MYO3A: variants seen among roughly 807,000 people sequenced by gnomAD.
The protein encoded by MYO3A is myosin-IIIa.
In MYO3A, 180 loss-of-function variants were observed where a neutral mutation model predicts 192.7. That is an observed-to-expected ratio of 0.93 (90% confidence interval 0.83 to 1.06). MYO3A has a LOEUF of 1.06. Ranked by LOEUF, MYO3A falls within the 50% of genes least tolerant of loss-of-function variation. The pLI, the probability that MYO3A is intolerant of heterozygous loss-of-function variation, is 0.00. For missense variants in MYO3A, 1,896 were observed against 1,905.0 expected, an observed-to-expected ratio of 1.00 and a Z score of 0.09; for synonymous variants, 628 against 645.3, an observed-to-expected ratio of 0.97 and a Z score of 0.41.
intron 32 of MYO3A, among the ~76,000 whole-genome samples, chr10:26,195,681 A>T (rs991280630): frequency 1.3e-5 from 2 of 152,148 alleles, no homozygotes; most frequent in Admixed American, 1.3e-4. Context: ...TTGTCCTTGG[A>T]CATGCCCTTT....
At chr10:26,075,631 C>A (rs1338492287) in intron 14 of MYO3A, among the ~76,000 whole-genome samples, 1 of 144,732 alleles carries the variant, frequency 6.9e-6, no homozygotes, top group Non-Finnish European at 1.5e-5. Context: ...ATATATATGT[C>A]TCTCATATAT....
At chr10:26,081,133 T>TGCCCCCCCC in intron 14 of MYO3A, among the ~76,000 whole-genome samples, 2 of 84,980 alleles carry the variant, frequency 2.4e-5, no homozygotes, top group African/African-American at 4.2e-5. Context: ...TATATGCCCT[T>TGCCCCCCCC]CCCCCCCCCC....
rs752990319 is a variant in MYO3A at position 25,997,140 on chromosome 10, T to C, written c.409-19T>C. 1.3e-5 allele frequency: 20 copies of C among 1,573,732 alleles called. No individual in the cohort carries two copies. Among genetic ancestry groups the C allele is most frequent in the Middle Eastern group, 1.7e-4 (1 of 5,950 alleles). On this transcript the variant is annotated intron_variant, in intron 5 of 34. Transcript: ENST00000642920. ...TTGATGCTTTTGTTAAGAGTCATTA[T>C]ATATTTCTTATCTTCTAGGGACTTC...
At chr10:25,939,620 CA>C (rs1836343706) in intron 2 of MYO3A, among the ~76,000 whole-genome samples, 1 of 151,382 alleles carries the variant, frequency 6.6e-6, no homozygotes, top group Non-Finnish European at 1.5e-5. Flanking sequence ...TTTTTTTTAA[CA>C]ATGTAGCTTG....
chr10:26,204,409 A>G (rs1843812326), intron 34 of MYO3A: 1 of 152,260 alleles, frequency 6.6e-6, no homozygotes, highest in Non-Finnish European at 1.5e-5. Flanking sequence ...ATCTGCTATG[A>G]AAGCGTTCTA....
chr10:26,053,105 A>G (rs1844102157), intron 10 of MYO3A, among the ~76,000 whole-genome samples: 1 of 152,154 alleles, frequency 6.6e-6, no homozygotes, highest in African/African-American at 2.4e-5. Context: ...AGAGTGGGAA[A>G]GTAACAAGAA....
chr10:26,133,992 C>G (rs1839706031), intron 20 of MYO3A, among the ~76,000 whole-genome samples: 1 of 152,152 alleles, frequency 6.6e-6, no homozygotes, highest in East Asian at 1.9e-4. Flanking sequence ...ATCCAAATGC[C>G]TCCTTATTCT....
chr10:26,085,476 A>AT (rs1376986376), intron 14 of MYO3A, among the ~76,000 whole-genome samples: 2 of 152,100 alleles, frequency 1.3e-5, no homozygotes, highest in South Asian at 2.1e-4. Context: ...GTCTCAAGGT[A>AT]TTTTTTTACT....
chr10:26,069,936 A>G (rs550160649), intron 12 of MYO3A, among the ~76,000 whole-genome samples, 175 bp from the exon 13 acceptor site: 18 of 152,056 alleles, frequency 1.2e-4, no homozygotes, highest in Non-Finnish European at 2.1e-4. Flanking sequence ...TTACATAGTT[A>G]TACATTTAGA....
intron 7 of MYO3A, 30 bp downstream of exon 7, chr10:26,016,926 T>G (rs1842017664): frequency 1.3e-6 from 2 of 1,588,956 alleles, no homozygotes; most frequent in African/African-American, 2.7e-5. Context: ...CAGACAAACG[T>G]AATAGCTGAT....
intron 4 of MYO3A, among the ~76,000 whole-genome samples, chr10:25,962,413 T>C (rs914551834): frequency 6.6e-6 from 1 of 152,148 alleles, no homozygotes; most frequent in African/African-American, 2.4e-5. Flanking sequence ...ATTCCAGTTA[T>C]ACACTTGAAT....
intron 26 of MYO3A, among the ~76,000 whole-genome samples, chr10:26,160,121 A>G (rs1057458120): frequency 1.3e-5 from 2 of 152,188 alleles, no homozygotes; most frequent in Non-Finnish European, 2.9e-5. Flanking sequence ...TATAGATATT[A>G]TGAGTGTAAT....
chr10:26,061,014 C>T (rs759643952), intron 10 of MYO3A, among the ~76,000 whole-genome samples: 1 of 151,914 alleles, frequency 6.6e-6, no homozygotes, highest in Admixed American at 6.6e-5. Context: ...CTGCAAGCTC[C>T]GCCTCCTGGG....
chr10:26,070,309 T>C lies in MYO3A; in HGVS notation c.1276-9T>C. The C allele has an allele frequency of 6.2e-7, 1 of 1,612,798 alleles. No homozygotes were observed. Among genetic ancestry groups the C allele is most frequent in the Non-Finnish European group, 8.5e-7 (1 of 1,179,036 alleles). On this transcript the variant is annotated splice_polypyrimidine_tract_variant and intron_variant, in intron 13 of 34. Transcript: ENST00000642920. ...AAGGTCTTCTCACAGTTTTCTTTTC[T>C]ATGTATAGTGCATTGTTATTTCTGG...
chr10:26,056,968 A>G (rs1337276677), intron 10 of MYO3A, among the ~76,000 whole-genome samples: 9 of 152,316 alleles, frequency 5.9e-5, no homozygotes, highest in South Asian at 4.1e-4. Flanking sequence ...AGGAAAAAAA[A>G]AATAGATGCC....
At chr10:26,113,265 G>A (rs905983327) in intron 17 of MYO3A, among the ~76,000 whole-genome samples, 1 of 152,116 alleles carries the variant, frequency 6.6e-6, no homozygotes, top group Non-Finnish European at 1.5e-5. Flanking sequence ...GAGCTCAGGA[G>A]TTTGAGACCG....
intron 17 of MYO3A, among the ~76,000 whole-genome samples, chr10:26,119,245 C>T (rs1439056776): frequency 6.6e-6 from 1 of 152,038 alleles, no homozygotes; most frequent in Non-Finnish European, 1.5e-5. Context: ...CTTTTTGGCT[C>T]TATTTTCTTC....
intron 20 of MYO3A, among the ~76,000 whole-genome samples, chr10:26,130,467 T>A (rs1352024950): frequency 2.0e-5 from 3 of 152,230 alleles, no homozygotes; most frequent in Non-Finnish European, 4.4e-5. Flanking sequence ...ATGCTCTTAA[T>A]TCTTTTGTCT....
At chr10:26,160,267 C>T (rs1841416502) in intron 26 of MYO3A, among the ~76,000 whole-genome samples, 1 of 152,040 alleles carries the variant, frequency 6.6e-6, no homozygotes, top group African/African-American at 2.4e-5. Context: ...ACCAGAGGCA[C>T]AGACATGGAA....
Sources: allele counts gnomAD v4.1 joint callset (sites outside exome capture counted in the v4.1 genomes callset), GRCh38; gene constraint gnomAD v4.1.1; transcripts MANE v1.5; gene names NCBI Gene and HGNC (gene_info 2026-07-23, HGNC 2026-07-21).